The following CDK17 variants were observed in gnomAD, a reference collection of about 807,000 sequenced individuals.
The protein encoded by CDK17 is cyclin dependent kinase 17.
In CDK17, 24 loss-of-function variants were observed where a neutral mutation model predicts 77.6. The ratio of observed to expected loss-of-function variants is 0.31; its 90% CI spans 0.22 to 0.44. The LOEUF is 0.44. Among genes scored for constraint, CDK17 ranks in the 20% least tolerant of loss-of-function variants. The probability of loss-of-function intolerance (pLI) is 1.00; values close to 1 mark genes in which losing one functional copy is unlikely to be tolerated. For synonymous variants in CDK17, 203 were observed against 210.4 expected, an observed-to-expected ratio of 0.96 and a Z score of 0.30; for missense variants, 429 against 622.5, an observed-to-expected ratio of 0.69 and a Z score of 3.31.
intron 2 of CDK17, among the ~76,000 whole-genome samples, chr12:96,329,294 TTATA>T (rs987581127): frequency 3.9e-5 from 6 of 152,204 alleles, no homozygotes; most frequent in Admixed American, 1.3e-4. Flanking sequence ...AAACTTTGTA[TTATA>T]TATATTTTAC....
At chr12:96,320,228 T>C (rs1477967155) in intron 3 of CDK17, among the ~76,000 whole-genome samples, 3 of 147,080 alleles carry the variant, frequency 2.0e-5, no homozygotes, top group African/African-American at 7.5e-5. Context: ...GAGAATAAAA[T>C]ACCTAGGAAT....
chr12:96,354,634 A>G (rs1232974410), intron 1 of CDK17, among the ~76,000 whole-genome samples: 1 of 152,070 alleles, frequency 6.6e-6, no homozygotes, highest in Non-Finnish European at 1.5e-5. Flanking sequence ...AATCCCAGTG[A>G]CTCGAGAGGC....
intron 1 of CDK17, among the ~76,000 whole-genome samples, chr12:96,351,318 CAAA>C (rs33926052): frequency 6.7e-6 from 1 of 148,592 alleles, no homozygotes; most frequent in Admixed American, 6.7e-5. Flanking sequence ...AGGGATATAC[CAAA>C]AAAAAAAAAA....
At chr12:96,349,436 A>G (rs1953277353) in intron 1 of CDK17, among the ~76,000 whole-genome samples, 1 of 152,000 alleles carries the variant, frequency 6.6e-6, no homozygotes, top group Admixed American at 6.6e-5. Context: ...CTGGGCAACA[A>G]GAGCAAAACC....
intron 9 of CDK17, among the ~76,000 whole-genome samples, chr12:96,296,995 T>A (rs1952416199): frequency 6.6e-6 from 1 of 152,190 alleles, no homozygotes; most frequent in Admixed American, 6.5e-5. Flanking sequence ...TAAAGCAGAA[T>A]ACACCTGTAC....
chr12:96,293,102 C>T (rs1472367048), intron 10 of CDK17, among the ~76,000 whole-genome samples: 1 of 152,154 alleles, frequency 6.6e-6, no homozygotes, highest in African/African-American at 2.4e-5. Flanking sequence ...AAAAACACCA[C>T]CCTTTATATG....
intron 7 of CDK17, among the ~76,000 whole-genome samples, chr12:96,298,273 C>T (rs1952441093): frequency 6.6e-6 from 1 of 151,318 alleles, no homozygotes; most frequent in African/African-American, 2.4e-5. Flanking sequence ...GGCAACAGAG[C>T]CAGACTCCCT....
chr12:96,377,881 G>A (rs1199314234), intron 1 of CDK17, among the ~76,000 whole-genome samples: 1 of 152,092 alleles, frequency 6.6e-6, no homozygotes, highest in African/African-American at 2.4e-5. Flanking sequence ...TTTTAGTAGA[G>A]ACAGGGTTTC....
chr12:96,316,088 AGTGTGTGTGCGCACC>A (rs1952711436), intron 3 of CDK17, among the ~76,000 whole-genome samples: 1 of 152,156 alleles, frequency 6.6e-6, no homozygotes, highest in Admixed American at 6.5e-5. Context: ...GGCGCAGGCC[AGTGTGTGTGCGCACC>A]GTGCACTAGC....
intron 3 of CDK17, among the ~76,000 whole-genome samples, chr12:96,319,114 GA>G (rs1267188159): frequency 1.4e-5 from 2 of 146,840 alleles, no homozygotes; most frequent in African/African-American, 5.0e-5. Flanking sequence ...TGATAAAGGG[GA>G]TATCACCACT....
chr12:96,288,104 T>C (rs1448656710), intron 11 of CDK17, among the ~76,000 whole-genome samples: 2 of 152,142 alleles, frequency 1.3e-5, no homozygotes, highest in Non-Finnish European at 2.9e-5. Flanking sequence ...GGTAGATAGA[T>C]AGTGGTGATG....
intron 1 of CDK17, among the ~76,000 whole-genome samples, chr12:96,397,844 A>G (rs2137256836): frequency 6.6e-6 from 1 of 152,304 alleles, no homozygotes; most frequent in South Asian, 2.1e-4. Flanking sequence ...ATTTCACAAA[A>G]GTCTCTAAAA....
At chr12:96,397,139 C>T (rs1465896742) in intron 1 of CDK17, among the ~76,000 whole-genome samples, 1 of 152,068 alleles carries the variant, frequency 6.6e-6, no homozygotes, top group Admixed American at 6.5e-5. Flanking sequence ...AACAAAGCAA[C>T]AAAATGATTT....
intron 1 of CDK17, among the ~76,000 whole-genome samples, chr12:96,379,127 A>C (rs953166145): frequency 1.3e-5 from 2 of 152,172 alleles, no homozygotes; most frequent in Non-Finnish European, 2.9e-5. Flanking sequence ...AGGGACAATT[A>C]TGTACCAAAA....
intron 1 of CDK17, among the ~76,000 whole-genome samples, chr12:96,341,539 A>G (rs1213740232): frequency 6.6e-6 from 1 of 152,232 alleles, no homozygotes; most frequent in Non-Finnish European, 1.5e-5. Flanking sequence ...CAATAAGTAC[A>G]TAAAAGGAAC....
intron 2 of CDK17, among the ~76,000 whole-genome samples, chr12:96,331,041 G>A (rs1157935184): frequency 1.3e-5 from 2 of 152,168 alleles, no homozygotes; most frequent in African/African-American, 4.8e-5. Flanking sequence ...CCGCCTCCTG[G>A]GTTCAAGCAA....
rs374730051 is a variant in CDK17 at position 96,311,111 on chromosome 12, G to C, written c.484C>G (p.Gln162Glu). The change falls in exon 5 of 17, where the codon CAG becomes GAG. Residue 162 changes from glutamine to glutamate, a missense_variant. Around this residue, in one of 4 missense-constraint regions of CDK17, gnomAD observed 262 missense variants for 385.4 expected, o/e 0.68. Coordinates refer to ENST00000261211, the MANE Select transcript of CDK17 (RefSeq NM_002595.5). The stretch of plus-strand genomic sequence containing the variant: ...TGGTCAAATGGTGGACTGTTTATCT[G>C]CAACTTTTCAAGATATCCATCAGGT... ...RIPDGYLEKL[Q>E]INSPPFDQPM... 2 of 1,600,534 alleles carry C rather than the reference G, an allele frequency of 1.2e-6. No individual in the cohort carries two copies. Among genetic ancestry groups the C allele is most frequent in the Non-Finnish European group, 1.7e-6 (2 of 1,176,058 alleles).
At chr12:96,392,301 T>C (rs1042158987) in intron 1 of CDK17, among the ~76,000 whole-genome samples, 2 of 152,204 alleles carry the variant, frequency 1.3e-5, no homozygotes, top group African/African-American at 4.8e-5. Context: ...CTTTGTATCC[T>C]AGCCCCTACC....
chr12:96,286,069 T>C lies in CDK17; in HGVS notation c.1296A>G (p.Pro432=). The change falls in exon 13 of 17, where the codon CCA becomes CCG. Residue 432 remains proline (P), a synonymous_variant. Coordinates refer to ENST00000261211, the MANE Select transcript of CDK17 (RefSeq NM_002595.5). ...TGGGTGCGTGGTTAATTAGAGGCTG[T>C]GGTTTATATTTTGGAAAGTTGTAGT... ...FKNYNFPKYK[P]QPLINHAPRL... The C allele has an allele frequency of 6.4e-7, 1 of 1,564,306 alleles. No individual in the cohort carries two copies. The highest frequency in any genetic ancestry group is 8.7e-7 in the Non-Finnish European group (1 of 1,150,652).
Sources: gnomAD v4.1 joint callset for allele counts (sites outside exome capture counted in the v4.1 genomes callset) on GRCh38, gnomAD v4.1.1 for gene constraint, gnomAD v4.1.1 regional missense constraint, MANE v1.5 for transcripts, NCBI Gene and HGNC (gene_info 2026-07-23, HGNC 2026-07-21) for gene names.